The following LRRTM3 variants were observed in gnomAD, a reference collection of about 807,000 sequenced individuals.
LRRTM3 encodes the protein leucine rich repeat transmembrane neuronal 3.
Under a neutral mutation model 44.7 loss-of-function variants are expected in LRRTM3, and 24 were observed. That is an observed-to-expected ratio of 0.54 (90% CI 0.39 to 0.76). The LOEUF (loss-of-function observed/expected upper bound fraction) is 0.76, where lower values mean the gene tolerates loss of function less well. Ranked by LOEUF, LRRTM3 falls within the 30% of genes least tolerant of loss-of-function variation. The pLI is 0.00. For missense variants in LRRTM3, 587 were observed against 702.2 expected (o/e 0.84, Z 1.85); for synonymous variants, 277 against 278.7 (o/e 0.99, Z 0.06).
At chr10:67,004,992 A>C (rs1305526139) in intron 2 of LRRTM3, among the ~76,000 whole-genome samples, 2 of 152,174 alleles carry the variant, frequency 1.3e-5, no homozygotes, top group Non-Finnish European at 2.9e-5. Context: ...GTTACTATTT[A>C]CTCGCCAAAC....
chr10:66,936,092 A>C (rs988932979), intron 2 of LRRTM3, among the ~76,000 whole-genome samples: 1 of 152,144 alleles, frequency 6.6e-6, no homozygotes, highest in Admixed American at 6.6e-5. Context: ...GTAAGTGTTT[A>C]GTCTTTTGGA....
At chr10:66,987,705 A>C (rs372206936) in intron 2 of LRRTM3, among the ~76,000 whole-genome samples, 1 of 152,212 alleles carries the variant, frequency 6.6e-6, no homozygotes, top group Non-Finnish European at 1.5e-5. Flanking sequence ...TTAAACATAG[A>C]ATATAAACAT....
intron 2 of LRRTM3, among the ~76,000 whole-genome samples, chr10:67,004,547 C>CT (rs200806044): frequency 2.9e-4 from 44 of 151,326 alleles, no homozygotes; most frequent in African/African-American, 8.7e-4. Context: ...ATATTTGTGG[C>CT]TTTTTTTTTC....
intron 2 of LRRTM3, among the ~76,000 whole-genome samples, chr10:67,014,112 G>A (rs1852509080): frequency 6.6e-6 from 1 of 152,128 alleles, no homozygotes. Flanking sequence ...TTGGTTCATT[G>A]TAGAAGTCGA....
chr10:66,968,820 G>A (rs867612701), intron 2 of LRRTM3, among the ~76,000 whole-genome samples: 2 of 151,874 alleles, frequency 1.3e-5, no homozygotes, highest in African/African-American at 4.8e-5. Flanking sequence ...AGTTTAAGAC[G>A]AGCCTGGCCA....
chr10:67,051,425 C>A (rs942831053), intron 2 of LRRTM3, among the ~76,000 whole-genome samples: 64 of 151,796 alleles, frequency 4.2e-4, no homozygotes, highest in African/African-American at 1.5e-3. Flanking sequence ...GAAATGCTAT[C>A]TAATTTCCTT....
intron 2 of LRRTM3, among the ~76,000 whole-genome samples, chr10:67,046,262 T>G (rs1854736585): frequency 6.6e-6 from 1 of 152,208 alleles, no homozygotes; most frequent in African/African-American, 2.4e-5. Context: ...TTCTCCTTAA[T>G]TTACCTTATG....
In LRRTM3 at chr10:66,982,694, G is replaced by T. The variant is rs145992926; in HGVS notation, c.1536+54242G>T. Among the ~76,000 whole-genome samples the T allele has an allele frequency of 7.6e-4, 115 of 152,306 alleles. 1 individual carries two copies. The Middle Eastern group carries it at 0.01, about 14-fold the overall frequency. ...AGAGATCAATGAATAGATAAGGTCA[G>T]ATGGCAAAAGATAAGCTAAGTAATA... is the stretch of plus-strand genomic sequence containing the variant. On this transcript the variant is annotated intron_variant, in intron 2 of 2. Coordinates refer to ENST00000361320, the MANE Select transcript of LRRTM3 (RefSeq NM_178011.5).
At position 66,927,515 on chromosome 10, in the gene LRRTM3, T is replaced by G; in HGVS notation, c.599T>G (p.Val200Gly). 1 of 1,614,154 alleles carries G rather than the reference T, an allele frequency of 6.2e-7. No individual in the cohort carries two copies. Among genetic ancestry groups the G allele is most frequent in the Non-Finnish European group, 8.5e-7 (1 of 1,180,036 alleles). ...YNRIRSLARN[V>G]FAGMIRLKEL... ...CGGATCCGAAGTTTAGCCAGGAATG[T>G]CTTTGCTGGCATGATCAGACTCAAA... Residue 200 changes from valine (V) to glycine (G), a missense_variant, in exon 2 of 3, where the codon GTC becomes GGC. Transcript: ENST00000361320. This position sits in a 1 kb window ranked among gnomAD's most constrained non-coding sequence, Gnocchi z 4.7.
At chr10:67,030,944 C>T (rs1251640113) in intron 2 of LRRTM3, among the ~76,000 whole-genome samples, 1 of 152,112 alleles carries the variant, frequency 6.6e-6, no homozygotes, top group Non-Finnish European at 1.5e-5. Context: ...GTGGAGGTTG[C>T]AGTGAGCCGA....
Position 66,926,902 on chromosome 10 carries a change from A to T in LRRTM3, c.5-19A>T. 1 of 1,540,322 alleles carries T rather than the reference A, an allele frequency of 6.5e-7. No individual in the cohort carries two copies. The highest frequency in any genetic ancestry group is 8.7e-7 in the Non-Finnish European group (1 of 1,146,624). On this transcript the variant is annotated intron_variant, in intron 1 of 2. Transcript: ENST00000361320. The stretch of plus-strand genomic sequence containing the variant: ...TCTTTTTTGGGGGGATAACTTTTCT[A>T]AGTTGTTTTTATTTCCAGGTTTCAA...
chr10:66,942,007 T>C (rs1462828602), intron 2 of LRRTM3, among the ~76,000 whole-genome samples: 2 of 152,172 alleles, frequency 1.3e-5, no homozygotes, highest in African/African-American at 4.8e-5. Flanking sequence ...TGAAGTTAAA[T>C]AAACCTGGGG....
chr10:67,082,145 A>G (rs1857088476), intron 2 of LRRTM3, among the ~76,000 whole-genome samples: 1 of 152,228 alleles, frequency 6.6e-6, no homozygotes, highest in African/African-American at 2.4e-5. Context: ...TTAAAATTAA[A>G]AAACAGAGAA....
intron 2 of LRRTM3, among the ~76,000 whole-genome samples, chr10:66,944,005 G>C (rs956759790): frequency 6.6e-6 from 1 of 152,116 alleles, no homozygotes; most frequent in South Asian, 2.1e-4. Context: ...TCAGGGTGGT[G>C]GTTGCTAAAA....
chr10:67,073,530 C>A, intron 2 of LRRTM3, among the ~76,000 whole-genome samples: 1 of 150,858 alleles, frequency 6.6e-6, no homozygotes, highest in Admixed American at 6.6e-5. Flanking sequence ...AAACAAGTAT[C>A]AACAAAAATC....
At chr10:66,935,716 C>G (rs949810540) in intron 2 of LRRTM3, among the ~76,000 whole-genome samples, 2 of 150,750 alleles carry the variant, frequency 1.3e-5, no homozygotes, top group African/African-American at 2.5e-5. Flanking sequence ...TATTATGTAC[C>G]AGGAATTTGT....
intron 2 of LRRTM3, among the ~76,000 whole-genome samples, chr10:67,027,475 C>T (rs1274068505): frequency 6.8e-6 from 1 of 147,020 alleles, no homozygotes; most frequent in Non-Finnish European, 1.5e-5. Context: ...CGCTCTGTCA[C>T]CCAGGCTGGA....
intron 2 of LRRTM3, among the ~76,000 whole-genome samples, chr10:66,965,215 A>C (rs951852413): frequency 6.6e-6 from 1 of 151,836 alleles, no homozygotes; most frequent in Non-Finnish European, 1.5e-5. Flanking sequence ...GTGTTTAAAA[A>C]GCTGGGTTTT....
intron 2 of LRRTM3, among the ~76,000 whole-genome samples, chr10:66,967,577 GA>G (rs1160487523): frequency 6.6e-6 from 1 of 151,918 alleles, no homozygotes; most frequent in Non-Finnish European, 1.5e-5. Context: ...GTATGCAAAT[GA>G]TACAACCATA....
Sources: gnomAD v4.1 joint callset for allele counts (sites outside exome capture counted in the v4.1 genomes callset) on GRCh38, gnomAD v4.1.1 for gene constraint, Gnocchi (gnomAD v3.1) non-coding constraint, MANE v1.5 for transcripts, NCBI Gene and HGNC (gene_info 2026-07-23, HGNC 2026-07-21) for gene names.